NEGR1: variants seen among roughly 807,000 people sequenced by gnomAD.
NEGR1 encodes IgLON family member 4.
Under a neutral mutation model 40.9 loss-of-function variants are expected in NEGR1, and 10 were observed. That is an observed-to-expected ratio of 0.24 (90% CI 0.15 to 0.42). The LOEUF is 0.42. Ranked by LOEUF, NEGR1 falls within the 10% of genes least tolerant of loss-of-function variation. The probability of loss-of-function intolerance (pLI) is 1.00; values close to 1 mark genes in which losing one functional copy is unlikely to be tolerated. For synonymous variants in NEGR1, 185 were observed against 166.8 expected, an observed-to-expected ratio of 1.11 and a Z score of -0.84; for missense variants, 352 against 438.9, an observed-to-expected ratio of 0.80 and a Z score of 1.77.
At chr1:72,130,630 C>T (rs765700583) in intron 1 of NEGR1, among the ~76,000 whole-genome samples, 13 of 152,122 alleles carry the variant, frequency 8.5e-5, no homozygotes, top group Non-Finnish European at 1.5e-4. Context: ...ACTCCAGTCA[C>T]GTGCTTGGAC....
intron 3 of NEGR1, among the ~76,000 whole-genome samples, chr1:71,734,385 TTACA>T (rs1654982971): frequency 6.6e-6 from 1 of 152,170 alleles, no homozygotes; most frequent in Non-Finnish European, 1.5e-5. Flanking sequence ...ATAAGAATAC[TTACA>T]TTGACAGAAT....
At chr1:71,728,769 T>G (rs1654758708) in intron 3 of NEGR1, among the ~76,000 whole-genome samples, 1 of 152,158 alleles carries the variant, frequency 6.6e-6, no homozygotes, top group Non-Finnish European at 1.5e-5. Context: ...AGCACAGAGT[T>G]ATACAAGGTA....
chr1:71,803,940 T>A (rs1657657005), intron 2 of NEGR1, among the ~76,000 whole-genome samples: 2 of 152,256 alleles, frequency 1.3e-5, no homozygotes, highest in East Asian at 3.9e-4. Flanking sequence ...TGTATTTATA[T>A]TTTCTTCTCT....
chr1:72,046,292 T>C (rs2100466248), intron 1 of NEGR1, among the ~76,000 whole-genome samples: 1 of 151,714 alleles, frequency 6.6e-6, no homozygotes, highest in South Asian at 2.1e-4. Flanking sequence ...AATTAAATAT[T>C]TTTGAAGGAG....
intron 1 of NEGR1, among the ~76,000 whole-genome samples, chr1:72,022,962 CAT>C (rs1008148366): frequency 5.3e-5 from 8 of 152,196 alleles, no homozygotes; most frequent in Admixed American, 3.9e-4. Flanking sequence ...TAAAATATCA[CAT>C]GTCCTTCTCC....
chr1:72,080,732 C>A (rs1019712411), intron 1 of NEGR1, among the ~76,000 whole-genome samples: 1 of 151,966 alleles, frequency 6.6e-6, no homozygotes, highest in Non-Finnish European at 1.5e-5. Context: ...ATAAGAGAAA[C>A]CACCTCATAG....
chr1:71,681,180 T>G lies in NEGR1; in HGVS notation c.667+16828A>C, dbSNP rs145373079. Reference sequence around the variant, plus strand: ...TTTCATTTAAAAGTGATGTGTGTCATTAACATTTATTTATCCAATAACATA... The same window carrying G: ...TTTCATTTAAAAGTGATGTGTGTCAGTAACATTTATTTATCCAATAACATA... On this transcript the variant is annotated intron_variant, in intron 4 of 6. Transcript: ENST00000357731. 1.6e-4 allele frequency among the ~76,000 whole-genome samples: 24 copies of G among 152,366 alleles called. No homozygotes were observed. The East Asian group carries it at 4.6e-3, about 29-fold the overall frequency.
chr1:71,440,307 A>G (rs74089340), intron 6 of NEGR1, among the ~76,000 whole-genome samples: 7,621 of 152,254 alleles, frequency 0.05, 400 homozygotes, highest in African/African-American at 0.13. Context: ...CATTGATTCA[A>G]TTTACTTGTC....
rs930418019 is a variant in NEGR1 at position 72,036,979 on chromosome 1, G to T, written c.177-101668C>A. On this transcript the variant is annotated intron_variant, in intron 1 of 6. Transcript: ENST00000357731. ...GATGTAAATCCTATATTTTTTAGTA[G>T]CCTAGAAAATCATAAGTATCTTAGA... Among the ~76,000 whole-genome samples, 5 of 152,010 alleles carry T rather than the reference G, an allele frequency of 3.3e-5. 1 individual carries two copies. The South Asian group carries it at 1.0e-3, about 32-fold the overall frequency.
chr1:72,249,424 A>C (rs189918587), intron 1 of NEGR1, among the ~76,000 whole-genome samples: 11 of 152,328 alleles, frequency 7.2e-5, no homozygotes, highest in Non-Finnish European at 1.3e-4. Context: ...GATATGTAAA[A>C]ATATGATGTG....
At chr1:71,900,368 G>A (rs1034622743) in intron 2 of NEGR1, among the ~76,000 whole-genome samples, 1 of 151,994 alleles carries the variant, frequency 6.6e-6, no homozygotes, top group African/African-American at 2.4e-5. Context: ...ATTACTTAAT[G>A]TTATTATGAA....
At chr1:72,091,100 C>A (rs919656950) in intron 1 of NEGR1, among the ~76,000 whole-genome samples, 1 of 152,080 alleles carries the variant, frequency 6.6e-6, no homozygotes, top group Admixed American at 6.6e-5. Flanking sequence ...TGGGTTCGGT[C>A]AGAGTTTTCC....
At chr1:72,199,146 CAGACAGAGAGAGAGAGAGAG>C (rs1419482480) in intron 1 of NEGR1, among the ~76,000 whole-genome samples, 1 of 139,086 alleles carries the variant, frequency 7.2e-6, no homozygotes, top group African/African-American at 2.8e-5. Flanking sequence ...TCTAGATAGA[CAGACAGAGAGAGAGAGAGAG>C]AGAGAGAGAG....
At chr1:71,584,009 A>T (rs541579375) in intron 6 of NEGR1, among the ~76,000 whole-genome samples, 2 of 152,328 alleles carry the variant, frequency 1.3e-5, no homozygotes, top group Non-Finnish European at 2.9e-5. Context: ...AAATAGGCTA[A>T]AATTCGGAAA....
chr1:72,160,998 T>G (rs986078846), intron 1 of NEGR1, among the ~76,000 whole-genome samples: 4 of 152,282 alleles, frequency 2.6e-5, no homozygotes, highest in South Asian at 2.1e-4. Context: ...AACTTCTGTG[T>G]TTAATAGGGG....
intron 1 of NEGR1, among the ~76,000 whole-genome samples, chr1:71,941,185 T>A (rs1645955819): frequency 6.6e-6 from 1 of 152,106 alleles, no homozygotes; most frequent in African/African-American, 2.4e-5. Context: ...AAAAGCATAT[T>A]AACAGAGTTC....
At chr1:72,253,322 C>A (rs1655166268) in intron 1 of NEGR1, among the ~76,000 whole-genome samples, 2 of 152,270 alleles carry the variant, frequency 1.3e-5, no homozygotes, top group Non-Finnish European at 2.9e-5. Flanking sequence ...TCTAGGAAAT[C>A]TTTCCATCTC....
chr1:72,064,246 G>C (rs952851157), intron 1 of NEGR1, among the ~76,000 whole-genome samples: 2 of 151,790 alleles, frequency 1.3e-5, no homozygotes, highest in African/African-American at 4.8e-5. Context: ...CTCCCAGAAG[G>C]AACATTTTTA....
chr1:71,746,413 T>G (rs771298363), intron 3 of NEGR1, among the ~76,000 whole-genome samples: 8 of 152,216 alleles, frequency 5.3e-5, no homozygotes, highest in Non-Finnish European at 1.0e-4. Context: ...TCAGCAAATC[T>G]GAAATACTCT....
Sources: gnomAD v4.1 joint callset for allele counts (sites outside exome capture counted in the v4.1 genomes callset) on GRCh38, gnomAD v4.1.1 for gene constraint, MANE v1.5 for transcripts, NCBI Gene and HGNC (gene_info 2026-07-23, HGNC 2026-07-21) for gene names.